DEK: variants seen among roughly 807,000 people sequenced by gnomAD.
The protein encoded by DEK is DEK proto-oncogene.
In DEK, 28 loss-of-function variants were observed where a neutral mutation model predicts 46.8. That is an observed-to-expected ratio of 0.60 (90% CI 0.44 to 0.82). The LOEUF (loss-of-function observed/expected upper bound fraction) is 0.82, where lower values mean the gene tolerates loss of function less well. Ranked by LOEUF, DEK falls within the 40% of genes least tolerant of loss-of-function variation. The pLI is 0.00. For synonymous variants in DEK, 160 were observed against 144.5 expected (o/e 1.11, Z -0.77); for missense variants, 416 against 430.6 (o/e 0.97, Z 0.30).
rs546879027 is a variant in DEK at position 18,244,518 on chromosome 6, T to C, written c.762+5133A>G. The C allele has an allele frequency of 6.2e-6, 8 of 1,288,164 alleles. No homozygotes were observed. In the East Asian group the frequency reaches 2.2e-4, roughly 36 times the overall value. 79.8% of individuals were successfully genotyped at this position (1,288,164 alleles called of 1,614,324 possible). On this transcript the variant is annotated intron_variant, in intron 7 of 10. Transcript: ENST00000652689. ...GAAAGCAAGGCTTACCTATGATTTA[T>C]AGGCAGCAGGGCTCTTGAAGGAGGG...
At chr6:18,253,537 C>T (rs892385019) in intron 6 of DEK, among the ~76,000 whole-genome samples, 5 of 152,148 alleles carry the variant, frequency 3.3e-5, no homozygotes, top group African/African-American at 4.8e-5. Flanking sequence ...TGTTACAAAA[C>T]TATACATACA....
chr6:18,261,876 A>G (rs1791887158), intron 2 of DEK, among the ~76,000 whole-genome samples: 1 of 152,218 alleles, frequency 6.6e-6, no homozygotes. Context: ...GAATCTTGAA[A>G]TGTGAGAAAC....
intron 6 of DEK, among the ~76,000 whole-genome samples, chr6:18,253,194 G>A (rs1268687381): frequency 6.6e-6 from 1 of 151,604 alleles, no homozygotes; most frequent in Non-Finnish European, 1.5e-5. Context: ...TCACCTCCCA[G>A]AGAACACCAC....
chr6:18,258,502 T>A lies in DEK; in HGVS notation c.146-97A>T, dbSNP rs1169676540. 3 of 790,480 alleles carry A rather than the reference T, an allele frequency of 3.8e-6. No individual in the cohort carries two copies. In the Admixed American group the frequency reaches 8.2e-5, roughly 22 times the overall value. The allele number at this position is 790,480 out of a possible 1,614,324, so 49.0% of individuals were successfully genotyped here. ...GTAGAACAAAGTCCCCAAAACCTAA[T>A]ACTTTATTCTTCTTCTGAGCATGGT... On this transcript the variant is annotated intron_variant, in intron 2 of 10. Coordinates refer to ENST00000652689, the MANE Select transcript of DEK (RefSeq NM_003472.4).
Position 18,225,459 on chromosome 6 carries a change from C to A in DEK, c.*260G>T. ...AATCTATGACCTTATATAAAGAAATCCAAAATGTACAAAATACAACTATAA... is the reference window on the plus strand; with the variant it reads ...AATCTATGACCTTATATAAAGAAATACAAAATGTACAAAATACAACTATAA... On this transcript the variant is annotated 3_prime_UTR_variant, in exon 11 of 11. Coordinates refer to ENST00000652689, the MANE Select transcript of DEK (RefSeq NM_003472.4). 2.4e-6 allele frequency: 1 copy of A among 415,110 alleles called. No individual in the cohort carries two copies. 25.7% of individuals were successfully genotyped at this position (415,110 alleles called of 1,614,324 possible).
Position 18,263,834 on chromosome 6 carries a change from TC to T in DEK, c.145+8del. ...AAAAATTCATCAGTTGGGATGCGAC[TC>T]CCCCCACCTTTTTCCTCCTCCTCCT... On this transcript the variant is annotated splice_region_variant and intron_variant, in intron 2 of 10. Transcript: ENST00000652689. 1 of 1,611,630 alleles carries T rather than the reference TC, an allele frequency of 6.2e-7. No homozygotes were observed. The highest frequency in any genetic ancestry group is 1.7e-5 in the Admixed American group (1 of 59,624).
At chr6:18,248,149 CTAA>C (rs1230747539) in intron 7 of DEK, among the ~76,000 whole-genome samples, 4 of 152,168 alleles carry the variant, frequency 2.6e-5, no homozygotes, top group African/African-American at 7.2e-5. Context: ...CCCTATGAGG[CTAA>C]TACTATTATC....
At chr6:18,262,622 T>C (rs1395520615) in intron 2 of DEK, among the ~76,000 whole-genome samples, 2 of 152,176 alleles carry the variant, frequency 1.3e-5, no homozygotes. Context: ...TTTCCTGACA[T>C]GAAGAAAATT....
In DEK at chr6:18,264,420, G is replaced by A. The variant is rs1472154694; in HGVS notation, c.-45C>T. The A allele has an allele frequency of 3.8e-5, 10 of 265,584 alleles. No homozygotes were observed. Among genetic ancestry groups the A allele is most frequent in the Non-Finnish European group, 7.7e-5 (10 of 129,148 alleles). The allele number at this position is 265,584 out of a possible 1,614,324, so 16.5% of individuals were successfully genotyped here. ...GGCCGCCGCGGGCCTGGCACGCGAG[G>A]GCACGAGGAGGTTCTGGGAGGCGGC... On this transcript the variant is annotated 5_prime_UTR_variant, in exon 1 of 11. Transcript: ENST00000652689.
Position 18,258,032 on chromosome 6 carries a change from C to T in DEK, c.278G>A (p.Arg93Lys). Residue 93 changes from arginine (R) to lysine (K), a missense_variant, in exon 4 of 11, where the codon AGG (arginine) becomes AAG (lysine). Coordinates refer to ENST00000652689, the MANE Select transcript of DEK (RefSeq NM_003472.4). ...CTTCTTACTTAGAAAAAAATGTATC[C>T]TCTCAATTTCACAAAGTTTCTGCCC... The part of the protein sequence containing the change: ...GKGQKLCEIE[R>K]IHFFLSKKKT... 3 of 1,609,100 alleles carry T rather than the reference C, an allele frequency of 1.9e-6. No individual in the cohort carries two copies. Among genetic ancestry groups the T allele is most frequent in the Non-Finnish European group, 2.5e-6 (3 of 1,178,290 alleles).
chr6:18,244,851 T>G (rs1044871387), intron 7 of DEK, among the ~76,000 whole-genome samples: 1 of 152,228 alleles, frequency 6.6e-6, no homozygotes, highest in African/African-American at 2.4e-5. Flanking sequence ...GAGGAAGAGA[T>G]AGTTTAGTTT....
chr6:18,261,614 A>G lies in DEK; in HGVS notation c.145+2229T>C, dbSNP rs538004004. On this transcript the variant is annotated intron_variant, in intron 2 of 10. Transcript: ENST00000652689. Reference sequence around the variant, plus strand: ...ACAAACACAGAAAAACAAAAACCAAACAAAAACCAAACCAGACTGTGTGGG... The same window carrying G: ...ACAAACACAGAAAAACAAAAACCAAGCAAAAACCAAACCAGACTGTGTGGG... Among the ~76,000 whole-genome samples the G allele has an allele frequency of 3.4e-4, 52 of 152,240 alleles. No homozygotes were observed. The South Asian group carries it at 0.011, about 31-fold the overall frequency.
At chr6:18,238,924 G>GTT (rs111391600) in intron 7 of DEK, among the ~76,000 whole-genome samples, 6 of 147,202 alleles carry the variant, frequency 4.1e-5, no homozygotes, top group African/African-American at 1.5e-4. Flanking sequence ...AAGCAACCTG[G>GTT]TTTTTTTTTT....
intron 2 of DEK, among the ~76,000 whole-genome samples, chr6:18,259,394 C>CAAAAAAAAAAAAAAAAAA (rs56704006): frequency 2.4e-5 from 1 of 41,482 alleles, no homozygotes; most frequent in South Asian, 7.1e-4. Context: ...GACTCCGTCT[C>CAAAAAAAAAAAAAAAAAA]AAAAAAAAAA....
chr6:18,256,456 C>G lies in DEK; in HGVS notation c.358-1G>C. 1.9e-6 allele frequency: 3 copies of G among 1,609,386 alleles called. No individual in the cohort carries two copies. The highest frequency in any genetic ancestry group is 2.5e-6 in the Non-Finnish European group (3 of 1,177,722). On this transcript the variant is annotated splice_acceptor_variant, in intron 4 of 10. Transcript: ENST00000652689. LOFTEE classifies it high-confidence loss of function. ...CCACATTCTTCTTTAATGAGGACACCTGAAAATGTTCCTTATTATTAATGG... is the reference window on the plus strand; with the variant it reads ...CCACATTCTTCTTTAATGAGGACACGTGAAAATGTTCCTTATTATTAATGG...
At chr6:18,244,636 C>T (rs1398687988) in intron 7 of DEK, 2 of 1,111,282 alleles carry the variant, frequency 1.8e-6, no homozygotes, top group Admixed American at 5.1e-5. Context: ...TAAAAATTAG[C>T]TTAAAATACA....
intron 2 of DEK, 58 bp from the exon 3 acceptor site, chr6:18,258,463 T>C: frequency 7.7e-7 from 1 of 1,304,598 alleles, no homozygotes; most frequent in Non-Finnish European, 1.1e-6. Context: ...GTATTAACTT[T>C]ATTAGATACA....
At chr6:18,239,757 T>C (rs1790825067) in intron 7 of DEK, among the ~76,000 whole-genome samples, 1 of 152,152 alleles carries the variant, frequency 6.6e-6, no homozygotes, top group African/African-American at 2.4e-5. Context: ...TATCAATGAT[T>C]TGTCGTTTTT....
chr6:18,242,287 G>T (rs1445846407), intron 7 of DEK, among the ~76,000 whole-genome samples: 1 of 152,194 alleles, frequency 6.6e-6, no homozygotes, highest in Non-Finnish European at 1.5e-5. Flanking sequence ...TGCTGAACCT[G>T]GGAGGTGGAG....
Sources: allele counts gnomAD v4.1 joint callset (sites outside exome capture counted in the v4.1 genomes callset), GRCh38; gene constraint gnomAD v4.1.1; transcripts MANE v1.5; gene names NCBI Gene and HGNC (gene_info 2026-07-23, HGNC 2026-07-21).